The following ANK3 variants were observed in gnomAD, a reference collection of about 807,000 sequenced individuals.
ANK3 encodes the protein ankyrin 3.
ANK3 carries 57 observed loss-of-function variants against 370.9 expected under a neutral mutation model. The observed-to-expected ratio is 0.15, with a 90% CI of 0.12 to 0.19. The LOEUF (loss-of-function observed/expected upper bound fraction) is 0.19, where lower values mean the gene tolerates loss of function less well. Among genes scored for constraint, ANK3 ranks in the 10% least tolerant of loss-of-function variants. The pLI is 1.00. For synonymous variants in ANK3, 1,929 were observed against 1,946.3 expected, an observed-to-expected ratio of 0.99 and a Z score of 0.23; for missense variants, 4,439 against 5,302.1, an observed-to-expected ratio of 0.84 and a Z score of 5.06.
intron 7 of ANK3, among the ~76,000 whole-genome samples, chr10:60,255,178 C>T (rs1385293261): frequency 6.6e-6 from 1 of 152,112 alleles, no homozygotes; most frequent in Non-Finnish European, 1.5e-5. Flanking sequence ...ATATCACCTG[C>T]AGAAGTAAAG....
intron 1 of ANK3, among the ~76,000 whole-genome samples, chr10:60,625,358 T>C (rs952473465): frequency 3.3e-5 from 5 of 152,324 alleles, no homozygotes; most frequent in African/African-American, 1.2e-4. Context: ...TATGTGGTAA[T>C]AGACATTTGA....
chr10:60,381,905 C>A (rs931778543), intron 1 of ANK3, among the ~76,000 whole-genome samples: 1 of 152,174 alleles, frequency 6.6e-6, no homozygotes, highest in Non-Finnish European at 1.5e-5. Flanking sequence ...CTCTTCAATA[C>A]CATGAATTGT....
chr10:60,070,453 A>T lies in ANK3; in HGVS notation c.10428T>A (p.Asp3476Glu). ...AACTTTTAGAAGGTGGCTTGTCCTC[A>T]TCTGGTCCCACCTTTCCCTCCTCCT... ...VIEEEGKVGP[D>E]EDKPPSKSSS... The change falls in exon 37 of 44, where the codon GAT becomes GAA. Residue 3476 changes from aspartate (D) to glutamate (E), a missense_variant. Physicochemically the swap from Asp to Glu is conservative, Grantham distance 45. Transcript: ENST00000280772. The surrounding 1 kb of genome is among the most constrained non-coding windows in gnomAD (Gnocchi z 5.7). The T allele has an allele frequency of 6.2e-7, 1 of 1,614,160 alleles. No homozygotes were observed. The highest frequency in any genetic ancestry group is 8.5e-7 in the Non-Finnish European group (1 of 1,180,022).
intron 8 of ANK3, among the ~76,000 whole-genome samples, chr10:60,232,416 T>G (rs2097259882): frequency 6.6e-6 from 1 of 152,166 alleles, no homozygotes; most frequent in Non-Finnish European, 1.5e-5. Context: ...CATCTCTACT[T>G]TTTATTCCTT....
chr10:60,502,186 A>G (rs551492402), intron 2 of ANK3, among the ~76,000 whole-genome samples: 8 of 152,322 alleles, frequency 5.3e-5, no homozygotes, highest in African/African-American at 1.7e-4. Context: ...TAGCCTAGGT[A>G]CTAGAGCTAC....
At chr10:60,646,220 T>C (rs1411027738) in intron 1 of ANK3, among the ~76,000 whole-genome samples, 3 of 152,176 alleles carry the variant, frequency 2.0e-5, no homozygotes, top group African/African-American at 7.2e-5. Context: ...TGGCTCAAGA[T>C]TGACGTGGCA....
chr10:60,238,302 C>A (rs1340654), intron 7 of ANK3, among the ~76,000 whole-genome samples: 115,909 of 152,120 alleles, frequency 0.76, 44,182 homozygotes, highest in South Asian at 0.84. Flanking sequence ...TGTTAGAGCT[C>A]GAAAGCCTGC....
At chr10:60,662,863 A>G (rs1194294701) in intron 1 of ANK3, among the ~76,000 whole-genome samples, 1 of 152,228 alleles carries the variant, frequency 6.6e-6, no homozygotes, top group Non-Finnish European at 1.5e-5. Flanking sequence ...GGCCTTTAAG[A>G]TAAACAATTA....
chr10:60,559,267 CA>C (rs1791831102), intron 2 of ANK3, among the ~76,000 whole-genome samples: 1 of 152,170 alleles, frequency 6.6e-6, no homozygotes, highest in South Asian at 2.1e-4. Context: ...CACCACCCCC[CA>C]ACCCTTTCCC....
intron 2 of ANK3, among the ~76,000 whole-genome samples, chr10:60,452,260 A>G (rs2064626416): frequency 6.6e-6 from 1 of 152,176 alleles, no homozygotes; most frequent in Non-Finnish European, 1.5e-5. Context: ...TTGGCTATTC[A>G]TGCTGCCAGG....
Position 60,062,193 on chromosome 10 carries a change from A to T in ANK3, c.12595+918T>A, listed in dbSNP as rs182727877. Reference sequence around the variant, plus strand: ...TGAGACAGGAGAATGGCTTGAACCCAGGAGGCAGAGGTTGCAGTGAGCCGA... The same window carrying T: ...TGAGACAGGAGAATGGCTTGAACCCTGGAGGCAGAGGTTGCAGTGAGCCGA... On this transcript the variant is annotated intron_variant, in intron 40 of 43. Coordinates refer to ENST00000280772, the MANE Select transcript of ANK3 (RefSeq NM_020987.5). 6 of 152,400 alleles carry T rather than the reference A, an allele frequency of 3.9e-5. No individual in the cohort carries two copies. The East Asian group carries it at 9.6e-4, about 25-fold the overall frequency. The allele number at this position is 152,400 out of a possible 1,614,324, so 9.4% of individuals were successfully genotyped here. A position where few individuals can be genotyped will look rare whatever the true frequency, so the allele number is the denominator to read the frequency against.
intron 1 of ANK3, among the ~76,000 whole-genome samples, chr10:60,309,654 GGTAGTTTT>G (rs2132840891): frequency 6.6e-6 from 1 of 152,170 alleles, no homozygotes; most frequent in East Asian, 1.9e-4. Flanking sequence ...ACTTGCAATA[GGTAGTTTT>G]GTCTGCAGTT....
chr10:60,136,051 G>C (rs1164258915), intron 24 of ANK3, among the ~76,000 whole-genome samples: 1 of 151,636 alleles, frequency 6.6e-6, no homozygotes, highest in East Asian at 1.9e-4. Context: ...CACTTGCACA[G>C]TCAGGCCCTC....
At chr10:60,607,062 G>A (rs570070587) in intron 2 of ANK3, among the ~76,000 whole-genome samples, 2 of 152,194 alleles carry the variant, frequency 1.3e-5, no homozygotes, top group African/African-American at 4.8e-5. Context: ...GGCCTATAAA[G>A]AAAAATAGTC....
At chr10:60,177,210 A>G (rs1170387368) in intron 18 of ANK3, among the ~76,000 whole-genome samples, 1 of 152,118 alleles carries the variant, frequency 6.6e-6, no homozygotes, top group African/African-American at 2.4e-5. Context: ...TCCACTGTAA[A>G]ATGGAGTGGA....
At chr10:60,293,084 A>G (rs1329203001) in intron 1 of ANK3, among the ~76,000 whole-genome samples, 1 of 152,086 alleles carries the variant, frequency 6.6e-6, no homozygotes, top group Non-Finnish European at 1.5e-5. Context: ...TGTCTCAATT[A>G]TTTCCCACAT....
chr10:60,412,068 AG>A (rs1429144538), intron 2 of ANK3, among the ~76,000 whole-genome samples: 1 of 152,154 alleles, frequency 6.6e-6, no homozygotes, highest in African/African-American at 2.4e-5. Flanking sequence ...GTATGTAAGG[AG>A]GGGATTCCTC....
intron 2 of ANK3, among the ~76,000 whole-genome samples, chr10:60,409,336 G>C (rs939223608): frequency 6.6e-6 from 1 of 152,098 alleles, no homozygotes; most frequent in Non-Finnish European, 1.5e-5. Flanking sequence ...AATTGGAATT[G>C]GTCTCCATTC....
chr10:60,270,365 T>G (rs998216288), intron 4 of ANK3, 136 bp from the exon 5 acceptor site: 22 of 465,128 alleles, frequency 4.7e-5, no homozygotes, highest in Non-Finnish European at 7.6e-5. Context: ...ATATAAATAT[T>G]TATTAGAAAA....
Sources: allele counts gnomAD v4.1 joint callset (sites outside exome capture counted in the v4.1 genomes callset), GRCh38; gene constraint gnomAD v4.1.1; non-coding constraint Gnocchi (gnomAD v3.1); transcripts MANE v1.5; gene names NCBI Gene and HGNC (gene_info 2026-07-23, HGNC 2026-07-21).